Variants in NOL10 observed in about 807,000 individuals in gnomAD.
NOL10 encodes the protein H_NH0074G24.1.
In NOL10, 58 loss-of-function variants were observed where a neutral mutation model predicts 103.5. That is an observed-to-expected ratio of 0.56 (90% confidence interval 0.45 to 0.70). NOL10 has a LOEUF of 0.70. Among genes scored for constraint, NOL10 ranks in the 30% least tolerant of loss-of-function variants. The probability of loss-of-function intolerance (pLI) is 0.00; values close to 1 mark genes in which losing one functional copy is unlikely to be tolerated. For missense variants in NOL10, 763 were observed against 807.3 expected (o/e 0.95, Z 0.67); for synonymous variants, 287 against 282.5 (o/e 1.02, Z -0.16).
At position 10,577,696 on chromosome 2, in the gene NOL10, C is replaced by A; in HGVS notation, c.1887G>T (p.Gly629=). The A allele has an allele frequency of 6.2e-7, 1 of 1,612,544 alleles. No individual in the cohort carries two copies. Among genetic ancestry groups the A allele is most frequent in the Non-Finnish European group, 8.5e-7 (1 of 1,179,220 alleles). ...EDRLKIEAKN[G]TLSVSDTTVG... ...CGGTGGTGTCGGATACACTCAATGT[C>A]CCATTTTTTGCTTCAATTTTCAAAC... is the stretch of plus-strand genomic sequence containing the variant. Residue 629 remains glycine (G), a synonymous_variant, in exon 20 of 21, where the codon GGG becomes GGT. Transcript: ENST00000381685.
At chr2:10,674,820 G>C (rs1681193942) in intron 4 of NOL10, among the ~76,000 whole-genome samples, 1 of 151,078 alleles carries the variant, frequency 6.6e-6, no homozygotes, top group Non-Finnish European at 1.5e-5. Context: ...CTGGGCGACA[G>C]AGCAAGACTC....
intron 6 of NOL10, among the ~76,000 whole-genome samples, chr2:10,670,986 G>T (rs1680895608): frequency 6.6e-6 from 1 of 152,104 alleles, no homozygotes; most frequent in Non-Finnish European, 1.5e-5. Flanking sequence ...AAATGCTTTT[G>T]TCATTTCATG....
At chr2:10,677,191 C>T (rs759123406) in intron 3 of NOL10, among the ~76,000 whole-genome samples, 4 of 151,838 alleles carry the variant, frequency 2.6e-5, no homozygotes, top group Non-Finnish European at 5.9e-5. Flanking sequence ...TGCCTGTCTC[C>T]GCCTGCCTAA....
intron 19 of NOL10, among the ~76,000 whole-genome samples, chr2:10,581,900 C>T (rs888306342): frequency 5.3e-5 from 8 of 152,122 alleles, no homozygotes; most frequent in South Asian, 2.1e-4. Flanking sequence ...TGAACACATA[C>T]GGGAATGAAT....
intron 13 of NOL10, among the ~76,000 whole-genome samples, chr2:10,627,699 C>CA (rs111536913): frequency 0.12 from 16,492 of 135,096 alleles, 1,191 homozygotes; most frequent in East Asian, 0.39. Context: ...AACAAACAAA[C>CA]AAAAAAAAAC....
At chr2:10,643,225 C>G (rs1468002204) in intron 13 of NOL10, among the ~76,000 whole-genome samples, 4 of 152,178 alleles carry the variant, frequency 2.6e-5, no homozygotes, top group Non-Finnish European at 5.9e-5. Context: ...CCCGAAACCA[C>G]AGAGTCAACA....
At chr2:10,581,287 C>T (rs1407770036) in intron 19 of NOL10, among the ~76,000 whole-genome samples, 1 of 152,148 alleles carries the variant, frequency 6.6e-6, no homozygotes, top group Non-Finnish European at 1.5e-5. Flanking sequence ...TCGCATACCC[C>T]CGCTGATCCA....
chr2:10,644,282 G>C, intron 13 of NOL10, 38 bp downstream of exon 13: 1 of 1,348,802 alleles, frequency 7.4e-7, no homozygotes, highest in Non-Finnish European at 1.0e-6. Flanking sequence ...ATCTTTGCTT[G>C]TCCTATTTTT....
intron 13 of NOL10, among the ~76,000 whole-genome samples, chr2:10,608,716 C>A (rs1433191364): frequency 6.6e-6 from 1 of 152,136 alleles, no homozygotes; most frequent in Non-Finnish European, 1.5e-5. Context: ...CCTGTTAACA[C>A]CCTCTTCAAA....
At chr2:10,603,369 C>A (rs1200940293) in intron 14 of NOL10, among the ~76,000 whole-genome samples, 1 of 152,156 alleles carries the variant, frequency 6.6e-6, no homozygotes, top group Non-Finnish European at 1.5e-5. Context: ...ATACTACACA[C>A]AAAAATGATG....
Position 10,654,506 on chromosome 2 carries a change from A to C in NOL10, c.948T>G (p.Asn316Lys), listed in dbSNP as rs1238414967. 6.2e-7 allele frequency: 1 copy of C among 1,602,088 alleles called. No individual in the cohort carries two copies. The highest frequency in any genetic ancestry group is 1.3e-5 in the African/African-American group (1 of 74,172). The change falls in exon 12 of 21, where the codon AAT becomes AAG. Residue 316 changes from asparagine to lysine, a missense_variant. Physicochemically the swap from Asn to Lys is moderately conservative, Grantham distance 94. Coordinates refer to ENST00000381685, the MANE Select transcript of NOL10 (RefSeq NM_024894.4). ...CTGAGTTGGGGTAGAGACAAACATC[A>C]TTAAGGTCATGCTCTGGCTCCAAGG... ...FTSLEPEHDL[N>K]DVCLYPNSGM...
intron 7 of NOL10, among the ~76,000 whole-genome samples, chr2:10,667,851 C>A (rs1004092794): frequency 6.6e-6 from 1 of 151,860 alleles, no homozygotes; most frequent in East Asian, 1.9e-4. Flanking sequence ...AAAATAAAAG[C>A]ATTTCTACCC....
chr2:10,597,213 G>C (rs895688504), intron 17 of NOL10, among the ~76,000 whole-genome samples: 2 of 152,102 alleles, frequency 1.3e-5, no homozygotes, highest in African/African-American at 2.4e-5. Context: ...GACATTATGT[G>C]GTGGGCCACT....
At chr2:10,591,362 C>T (rs1344273672) in intron 17 of NOL10, among the ~76,000 whole-genome samples, 4 of 152,028 alleles carry the variant, frequency 2.6e-5, no homozygotes, top group Admixed American at 2.0e-4. Context: ...CAAAAGACAC[C>T]CCAGGAGGGG....
intron 19 of NOL10, among the ~76,000 whole-genome samples, chr2:10,586,929 A>G (rs564405760): frequency 9.3e-5 from 14 of 150,168 alleles, no homozygotes; most frequent in African/African-American, 2.7e-4. Context: ...GGGATATTCT[A>G]GGTTCTCAGT....
At chr2:10,608,783 C>T (rs116753168) in intron 13 of NOL10, among the ~76,000 whole-genome samples, 5,699 of 152,004 alleles carry the variant, frequency 0.037, 209 homozygotes, top group African/African-American at 0.094. Context: ...ATTATTTTGC[C>T]GGATTAGAAA....
intron 1 of NOL10, among the ~76,000 whole-genome samples, chr2:10,687,015 A>G (rs1254347425): frequency 1.3e-5 from 2 of 152,244 alleles, no homozygotes; most frequent in Non-Finnish European, 2.9e-5. Context: ...AGATGTGCTT[A>G]AAGCCAGGAG....
chr2:10,668,746 A>G (rs1410840870), intron 6 of NOL10, 23 bp from the exon 7 acceptor site: 8 of 1,114,694 alleles, frequency 7.2e-6, no homozygotes, highest in Non-Finnish European at 1.0e-5. Flanking sequence ...AAAGAAAGTT[A>G]AAAACCTGCT....
At chr2:10,594,118 G>C (rs982102653) in intron 17 of NOL10, among the ~76,000 whole-genome samples, 1 of 147,926 alleles carries the variant, frequency 6.8e-6, no homozygotes. Context: ...ACTGAAGACC[G>C]AACTTCTAGA....
Sources: gnomAD v4.1 joint callset for allele counts (sites outside exome capture counted in the v4.1 genomes callset) on GRCh38, gnomAD v4.1.1 for gene constraint, MANE v1.5 for transcripts, NCBI Gene and HGNC (gene_info 2026-07-23, HGNC 2026-07-21) for gene names.